Variants in EPB41L4A observed in about 807,000 individuals in gnomAD.
The protein encoded by EPB41L4A is erythrocyte membrane protein band 4.1 like 4A.
In EPB41L4A, 100 loss-of-function variants were observed where a neutral mutation model predicts 108.6. The observed-to-expected ratio is 0.92, with a 90% CI of 0.78 to 1.09. The LOEUF is 1.09. Among genes scored for constraint, EPB41L4A ranks in the 50% least tolerant of loss-of-function variants. The pLI is 0.00. For missense variants in EPB41L4A, 1,030 were observed against 842.7 expected, an observed-to-expected ratio of 1.22 and a Z score of -2.75; for synonymous variants, 319 against 289.0, an observed-to-expected ratio of 1.10 and a Z score of -1.05.
At chr5:112,388,638 A>G (rs1760725518) in intron 1 of EPB41L4A, among the ~76,000 whole-genome samples, 1 of 152,170 alleles carries the variant, frequency 6.6e-6, no homozygotes, top group South Asian at 2.1e-4. Context: ...CCTTGACACA[A>G]GACACTGCTC....
intron 1 of EPB41L4A, among the ~76,000 whole-genome samples, chr5:112,353,356 C>G (rs376672776): frequency 2.0e-5 from 3 of 152,180 alleles, no homozygotes; most frequent in East Asian, 3.9e-4. Context: ...GCTTGGGTGC[C>G]GGCAGTGGCG....
chr5:112,264,193 T>C (rs922313152), intron 6 of EPB41L4A: 2 of 152,206 alleles, frequency 1.3e-5, no homozygotes, highest in East Asian at 1.9e-4. Flanking sequence ...AATAAAGCAA[T>C]GTTAACCGGT....
At chr5:112,352,829 T>C (rs1758130138) in intron 1 of EPB41L4A, among the ~76,000 whole-genome samples, 1 of 152,234 alleles carries the variant, frequency 6.6e-6, no homozygotes, top group African/African-American at 2.4e-5. Flanking sequence ...TAGATTTTCA[T>C]AGGAATCTGT....
chr5:112,361,663 A>T (rs941846318), intron 1 of EPB41L4A, among the ~76,000 whole-genome samples: 2 of 151,486 alleles, frequency 1.3e-5, no homozygotes, highest in Non-Finnish European at 2.9e-5. Context: ...GAGTCCAAAG[A>T]AAAATAGTAG....
At chr5:112,367,038 T>C (rs1759164347) in intron 1 of EPB41L4A, among the ~76,000 whole-genome samples, 1 of 152,272 alleles carries the variant, frequency 6.6e-6, no homozygotes, top group African/African-American at 2.4e-5. Context: ...GGACACACCT[T>C]TGAGCCTGAC....
chr5:112,357,152 C>T (rs767437516), intron 1 of EPB41L4A, among the ~76,000 whole-genome samples: 61 of 152,158 alleles, frequency 4.0e-4, no homozygotes, highest in Non-Finnish European at 7.6e-4. Flanking sequence ...CAGAGAATCA[C>T]AGCACAAACC....
chr5:112,313,858 C>CTTTTTTT lies in EPB41L4A; in HGVS notation c.100-6375_100-6369dup, dbSNP rs1188991050. Among the ~76,000 whole-genome samples, 107 of 89,468 alleles carry CTTTTTTT rather than the reference C, an allele frequency of 1.2e-3. 1 individual carries two copies. The highest frequency in any genetic ancestry group is 2.5e-3 in the East Asian group (7 of 2,828). The allele number at this position is 89,468 out of a possible 152,430, so 58.7% of individuals were successfully genotyped here. On this transcript the variant is annotated intron_variant, in intron 1 of 22. Transcript: ENST00000261486. ...AACCGCTCCAAAAAAAGGTAACTTTCTTTTTTTTTTTTTTTTTTTTTTTGA... is the reference window on the plus strand; with the variant it reads ...AACCGCTCCAAAAAAAGGTAACTTTCTTTTTTTTTTTTTTTTTTTTTTTTTTTTTTGA...
intron 4 of EPB41L4A, among the ~76,000 whole-genome samples, chr5:112,268,615 T>C (rs1222224543): frequency 1.3e-5 from 2 of 151,942 alleles, no homozygotes; most frequent in Non-Finnish European, 2.9e-5. Context: ...TTTGGGAGGC[T>C]GTGGAAAGAG....
chr5:112,318,155 G>T (rs916005090), intron 1 of EPB41L4A, among the ~76,000 whole-genome samples: 1 of 152,134 alleles, frequency 6.6e-6, no homozygotes, highest in African/African-American at 2.4e-5. Context: ...AATCAATGCA[G>T]CATCATTGCC....
chr5:112,202,231 G>T (rs575315385), intron 15 of EPB41L4A, among the ~76,000 whole-genome samples: 10 of 152,252 alleles, frequency 6.6e-5, no homozygotes, highest in African/African-American at 2.4e-4. Context: ...TCCCTGTCTA[G>T]CATCCATCAC....
chr5:112,299,841 C>T (rs1169158646), intron 2 of EPB41L4A, among the ~76,000 whole-genome samples: 2 of 152,128 alleles, frequency 1.3e-5, no homozygotes, highest in African/African-American at 2.4e-5. Context: ...TGGGAACTCC[C>T]GTGTTAAGTG....
chr5:112,285,246 A>G (rs956630405), intron 2 of EPB41L4A, among the ~76,000 whole-genome samples: 1 of 152,202 alleles, frequency 6.6e-6, no homozygotes, highest in East Asian at 1.9e-4. Context: ...AAGCACACAC[A>G]GTTTTCATTA....
chr5:112,341,769 C>G (rs1010327523), intron 1 of EPB41L4A, among the ~76,000 whole-genome samples: 6 of 151,924 alleles, frequency 3.9e-5, no homozygotes, highest in Non-Finnish European at 7.4e-5. Flanking sequence ...CACACACACA[C>G]ACACACATAC....
At chr5:112,188,364 A>T (rs2150246514) in intron 17 of EPB41L4A, among the ~76,000 whole-genome samples, 1 of 152,216 alleles carries the variant, frequency 6.6e-6, no homozygotes, top group Middle Eastern at 3.4e-3. Flanking sequence ...TTTGCTCTTA[A>T]AGGTACTTCT....
intron 2 of EPB41L4A, among the ~76,000 whole-genome samples, chr5:112,295,798 C>A (rs1753951584): frequency 6.6e-6 from 1 of 152,218 alleles, no homozygotes; most frequent in African/African-American, 2.4e-5. Context: ...ATACATTGTA[C>A]CATAGGGCAG....
At chr5:112,182,712 G>A (rs17134172) in intron 18 of EPB41L4A, among the ~76,000 whole-genome samples, 4,979 of 152,074 alleles carry the variant, frequency 0.033, 315 homozygotes, top group African/African-American at 0.11. Flanking sequence ...CCGTGACTAC[G>A]CTGTATCTAA....
At chr5:112,153,349 A>C (rs1759538516) in intron 12 of EPB41L4A, among the ~76,000 whole-genome samples, 1 of 151,394 alleles carries the variant, frequency 6.6e-6, no homozygotes, top group Non-Finnish European at 1.5e-5. Flanking sequence ...CCAACATGGC[A>C]AAACCCCATC....
intron 1 of EPB41L4A, among the ~76,000 whole-genome samples, chr5:112,389,855 A>C (rs112698982): frequency 0.011 from 1,710 of 152,260 alleles, 30 homozygotes; most frequent in African/African-American, 0.038. Flanking sequence ...GAATTAGGAG[A>C]TGTTACCACC....
Position 112,164,566 on chromosome 5 carries a change from A to G in EPB41L4A, c.*424T>C, listed in dbSNP as rs2150186200. On this transcript the variant is annotated 3_prime_UTR_variant, in exon 23 of 23. Transcript: ENST00000261486. The stretch of plus-strand genomic sequence containing the variant: ...TTCAGCACAACTGTGCTGTAGTTAA[A>G]CCATGGCCTATAATCCCAGCACTTT... 1 of 153,074 alleles carries G rather than the reference A, an allele frequency of 6.5e-6. No homozygotes were observed. The allele number at this position is 153,074 out of a possible 1,614,324, so 9.5% of individuals were successfully genotyped here.
Sources: allele counts gnomAD v4.1 joint callset (sites outside exome capture counted in the v4.1 genomes callset), GRCh38; gene constraint gnomAD v4.1.1; transcripts MANE v1.5; gene names NCBI Gene and HGNC (gene_info 2026-07-23, HGNC 2026-07-21).